The following RANBP2 variants were observed in gnomAD, a reference collection of about 807,000 sequenced individuals.
RANBP2 encodes RAN binding protein 2.
A neutral mutation model predicts 303.6 loss-of-function variants in RANBP2; 57 were observed. That is an observed-to-expected ratio of 0.19 (90% CI 0.15 to 0.23). RANBP2 has a LOEUF of 0.23. Among genes scored for constraint, RANBP2 ranks in the 10% least tolerant of loss-of-function variants. RANBP2 has a pLI of 1.00. For missense variants in RANBP2, 3,138 were observed against 3,780.8 expected (o/e 0.83, Z 4.46); for synonymous variants, 1,167 against 1,301.5 (o/e 0.90, Z 2.23).
At chr2:109,585,649 G>T in the RANBP2 span, 1 of 1,005,172 alleles carries the variant, frequency 9.9e-7, no homozygotes, top group Non-Finnish European at 1.6e-6. Context: ...GCATTGTTCT[G>T]CCCATGACAA....
At chr2:109,199,607 T>TCAACGCGAGTGCAGG in the RANBP2 span, among the ~76,000 whole-genome samples, 2 of 276 alleles carry the variant, frequency 7.2e-3, no homozygotes, top group African/African-American at 0.012. Flanking sequence ...TGGAATGGAA[T>TCAACGCGAGTGCAGG]GGAATGGAAT....
chr2:109,434,077 G>A, the RANBP2 span, among the ~76,000 whole-genome samples: 1 of 152,208 alleles, frequency 6.6e-6, no homozygotes, highest in African/African-American at 2.4e-5. Flanking sequence ...GCCTGTGCTT[G>A]AAGCCCCTGG....
chr2:109,018,219 G>A, the RANBP2 span, among the ~76,000 whole-genome samples: 75 of 152,258 alleles, frequency 4.9e-4, 1 homozygote, highest in African/African-American at 1.7e-3. Flanking sequence ...TTTCTATGAC[G>A]GACATGATAA....
Position 108,755,258 on chromosome 2 carries a change from A to T in RANBP2, c.2465A>T (p.Lys822Met). Residue 822 changes from lysine (K) to methionine (M), a missense_variant and splice_region_variant, in exon 17 of 29, where the codon AAG becomes ATG. Transcript: ENST00000283195. ...ATTTGCCAACAAGTAGAGGCCATTA[A>T]GGTAAGTCACTTAATTTCTCTAGCT... ...KMICQQVEAI[K>M]KEMQELKLNS... 1.2e-6 allele frequency: 2 copies of T among 1,611,872 alleles called. No individual in the cohort carries two copies. Among genetic ancestry groups the T allele is most frequent in the Non-Finnish European group, 1.7e-6 (2 of 1,179,820 alleles).
At chr2:109,386,515 A>G in the RANBP2 span, among the ~76,000 whole-genome samples, 3 of 152,164 alleles carry the variant, frequency 2.0e-5, no homozygotes, top group Non-Finnish European at 4.4e-5. Flanking sequence ...TTTATTTACA[A>G]AAACCAGCGT....
the RANBP2 span, chr2:108,989,225 ACT>A: frequency 6.6e-6 from 1 of 152,026 alleles, no homozygotes; most frequent in Non-Finnish European, 1.5e-5. Flanking sequence ...AAGTTTGGAA[ACT>A]CAGTCCTTGC....
the RANBP2 span, among the ~76,000 whole-genome samples, chr2:109,507,441 TGAGCTGTTG>T: frequency 6.6e-6 from 1 of 152,208 alleles, no homozygotes. Flanking sequence ...CTGGGGCCTG[TGAGCTGTTG>T]GAGCCCTGCT....
chr2:109,401,274 G>T, the RANBP2 span, among the ~76,000 whole-genome samples: 49,257 of 152,170 alleles, frequency 0.32, 8,996 homozygotes, highest in Non-Finnish European at 0.41. Flanking sequence ...AAGTTGTGTT[G>T]TGAAACAAAT....
chr2:109,135,867 A>G, the RANBP2 span, among the ~76,000 whole-genome samples: 3 of 152,192 alleles, frequency 2.0e-5, no homozygotes, highest in Non-Finnish European at 4.4e-5. Flanking sequence ...TACAAACTTC[A>G]TTAAAAGGGA....
chr2:109,220,388 C>T, the RANBP2 span, among the ~76,000 whole-genome samples: 4 of 152,094 alleles, frequency 2.6e-5, no homozygotes, highest in Non-Finnish European at 5.9e-5. Flanking sequence ...GAGTGTGACA[C>T]CAAAAGCACA....
chr2:109,193,546 G>A, the RANBP2 span, among the ~76,000 whole-genome samples: 5 of 152,092 alleles, frequency 3.3e-5, no homozygotes, highest in African/African-American at 1.2e-4. Flanking sequence ...CATTCCCCAT[G>A]ATGTTTCTGA....
chr2:108,985,552 G>A, the RANBP2 span, among the ~76,000 whole-genome samples: 1 of 152,208 alleles, frequency 6.6e-6, no homozygotes, highest in East Asian at 1.9e-4. Context: ...ACATGTGTAC[G>A]TAGGTGTATA....
the RANBP2 span, among the ~76,000 whole-genome samples, chr2:109,672,585 A>G: frequency 6.6e-6 from 1 of 152,202 alleles, no homozygotes; most frequent in Non-Finnish European, 1.5e-5. Flanking sequence ...GTTACGTATT[A>G]TTACCTTCGG....
the RANBP2 span, among the ~76,000 whole-genome samples, chr2:109,669,979 C>T: frequency 6.6e-6 from 1 of 151,972 alleles, no homozygotes; most frequent in Non-Finnish European, 1.5e-5. Context: ...ACCTACCCCA[C>T]CACCTTTCTA....
the RANBP2 span, among the ~76,000 whole-genome samples, chr2:109,740,286 CAAG>C: frequency 6.6e-6 from 1 of 151,884 alleles, no homozygotes; most frequent in Non-Finnish European, 1.5e-5. Flanking sequence ...TGCGCCCGGC[CAAG>C]AAGACACAAC....
At chr2:108,906,469 C>T in the RANBP2 span, 4 of 1,214,066 alleles carry the variant, frequency 3.3e-6, no homozygotes, top group East Asian at 7.1e-5. Flanking sequence ...CTACGCCCAA[C>T]ACCAGAGACG....
the RANBP2 span, among the ~76,000 whole-genome samples, chr2:109,244,269 A>G: frequency 0.25 from 38,187 of 152,140 alleles, 5,204 homozygotes; most frequent in East Asian, 0.46. Flanking sequence ...AGGAGGTACA[A>G]CAAAGCATTA....
the RANBP2 span, among the ~76,000 whole-genome samples, chr2:108,965,543 AG>A: frequency 3.3e-5 from 5 of 151,986 alleles, no homozygotes; most frequent in Non-Finnish European, 7.4e-5. Context: ...CATTACAGAC[AG>A]GAAGATCCTT....
chr2:108,968,264 CT>C, the RANBP2 span, among the ~76,000 whole-genome samples: 1 of 152,176 alleles, frequency 6.6e-6, no homozygotes, highest in African/African-American at 2.4e-5. Context: ...CCTAGATCTA[CT>C]AAATCAGAGC....
Sources: allele counts gnomAD v4.1 joint callset (sites outside exome capture counted in the v4.1 genomes callset), GRCh38; gene constraint gnomAD v4.1.1; transcripts MANE v1.5; gene names NCBI Gene and HGNC (gene_info 2026-07-23, HGNC 2026-07-21).